Variants in FRY observed in about 807,000 individuals in gnomAD.
FRY encodes FRY microtubule binding protein.
FRY carries 128 observed loss-of-function variants against 348.4 expected under a neutral mutation model. That is an observed-to-expected ratio of 0.37 (90% confidence interval 0.32 to 0.43). FRY has a LOEUF of 0.43. Ranked by LOEUF, FRY falls within the 20% of genes least tolerant of loss-of-function variation. The probability of loss-of-function intolerance (pLI) is 1.00; values close to 1 mark genes in which losing one functional copy is unlikely to be tolerated. For synonymous variants in FRY, 1,370 were observed against 1,374.7 expected (o/e 1.00, Z 0.08); for missense variants, 2,736 against 3,695.2 (o/e 0.74, Z 6.73).
intron 2 of FRY, among the ~76,000 whole-genome samples, chr13:32,097,746 A>C (rs914185351): frequency 1.3e-5 from 2 of 151,962 alleles, no homozygotes; most frequent in African/African-American, 4.8e-5. Flanking sequence ...CTAAAATAAA[A>C]TTACTATCTT....
intron 1 of FRY, among the ~76,000 whole-genome samples, chr13:32,032,638 CT>C (rs1872300027): frequency 1.3e-5 from 2 of 152,216 alleles, no homozygotes. Context: ...AAAAGACAAC[CT>C]CTAAGCTGCC....
intron 29 of FRY, among the ~76,000 whole-genome samples, chr13:32,195,951 A>G (rs1229541141): frequency 2.6e-5 from 4 of 152,180 alleles, no homozygotes; most frequent in Non-Finnish European, 5.9e-5. Flanking sequence ...AGAATTTAAA[A>G]TTTCAGCTGT....
At chr13:32,104,617 G>C (rs461373) in intron 3 of FRY, among the ~76,000 whole-genome samples, 103,856 of 152,064 alleles carry the variant, frequency 0.68, 35,633 homozygotes, top group South Asian at 0.8. Flanking sequence ...GCCACAAAAT[G>C]TAGTCCAGTT....
chr13:32,246,286 A>G (rs887309072), intron 47 of FRY, among the ~76,000 whole-genome samples: 2 of 152,256 alleles, frequency 1.3e-5, no homozygotes, highest in African/African-American at 4.8e-5. Context: ...GCAAAAAATA[A>G]TAATAACAAC....
chr13:32,254,476 G>T, intron 51 of FRY, 82 bp downstream of exon 51: 1 of 1,254,600 alleles, frequency 8.0e-7, no homozygotes, highest in South Asian at 1.2e-5. Context: ...GCTAAATAAT[G>T]AGTTTTTGTA....
intron 49 of FRY, 84 bp downstream of exon 49, chr13:32,249,771 T>C (rs1886985174): frequency 1.2e-5 from 15 of 1,269,122 alleles, no homozygotes; most frequent in African/African-American, 3.0e-5. Flanking sequence ...GGATTCCCTC[T>C]CACCATCCCA....
At chr13:32,274,767 C>A in intron 55 of FRY, 75 bp from the exon 56 acceptor site, 2 of 1,053,372 alleles carry the variant, frequency 1.9e-6, no homozygotes, top group Non-Finnish European at 2.9e-6. Flanking sequence ...AAGAAGCTAC[C>A]CCTCCCCCAA....
At chr13:32,219,109 G>A (rs897828277) in intron 36 of FRY, among the ~76,000 whole-genome samples, 9 of 128,142 alleles carry the variant, frequency 7.0e-5, no homozygotes, top group African/African-American at 2.5e-4. Flanking sequence ...TTTTTTTTGA[G>A]ACGGAGTCTC....
intron 1 of FRY, among the ~76,000 whole-genome samples, chr13:32,053,201 C>T (rs1873438963): frequency 6.6e-6 from 1 of 152,102 alleles, no homozygotes; most frequent in African/African-American, 2.4e-5. Context: ...TGTATTAGAA[C>T]ACAAAGGTAG....
intron 35 of FRY, among the ~76,000 whole-genome samples, chr13:32,213,383 T>C (rs1278362060): frequency 6.6e-6 from 1 of 152,230 alleles, no homozygotes. Context: ...GCAGCTGTGT[T>C]ACCTTCAGGC....
chr13:32,241,604 G>A (rs944162672), intron 46 of FRY, among the ~76,000 whole-genome samples: 2 of 152,192 alleles, frequency 1.3e-5, no homozygotes, highest in Non-Finnish European at 2.9e-5. Context: ...TAATGTGAAT[G>A]TACTTGAGAA....
chr13:32,208,951 A>G lies in FRY; in HGVS notation c.4117A>G (p.Arg1373Gly). 1 of 1,614,184 alleles carries G rather than the reference A, an allele frequency of 6.2e-7. No individual in the cohort carries two copies. Among genetic ancestry groups the G allele is most frequent in the Non-Finnish European group, 8.5e-7 (1 of 1,180,026 alleles). Residue 1373 changes from arginine to glycine, a missense_variant, in exon 32 of 61, where the codon AGG becomes GGG. Physicochemically the swap from Arg to Gly is moderately radical, Grantham distance 125 (BLOSUM62 -2). This residue lies in a region of FRY where 794 missense variants were observed against 977.0 expected (regional missense o/e 0.81). Transcript: ENST00000542859. ...GCACAACATCGAGCTGGTGGACAGC[A>G]GGCTCCTCCTCCCGGGGTCGAGCCC... ...WLHNIELVDS[R>G]LLLPGSSPSS...
At chr13:32,243,295 A>C (rs1487574026) in intron 46 of FRY, among the ~76,000 whole-genome samples, 1 of 152,200 alleles carries the variant, frequency 6.6e-6, no homozygotes, top group Non-Finnish European at 1.5e-5. Flanking sequence ...CTGTTAACTT[A>C]TATATCCATT....
chr13:32,201,012 C>T (rs1387336698), intron 29 of FRY, among the ~76,000 whole-genome samples: 1 of 152,092 alleles, frequency 6.6e-6, no homozygotes, highest in Non-Finnish European at 1.5e-5. Flanking sequence ...ATGCCGTGGC[C>T]CCCCTCCCCA....
intron 1 of FRY, among the ~76,000 whole-genome samples, chr13:32,034,869 C>T (rs1872428039): frequency 6.6e-6 from 1 of 152,222 alleles, no homozygotes; most frequent in Non-Finnish European, 1.5e-5. Context: ...CATGCCTGTA[C>T]ACCCATCAGT....
chr13:32,096,802 CAAAAAAA>C (rs10680393), intron 2 of FRY, among the ~76,000 whole-genome samples: 1 of 77,598 alleles, frequency 1.3e-5, no homozygotes, highest in African/African-American at 5.5e-5. Context: ...GACTCTGTCT[CAAAAAAA>C]AAAAAAAAAA....
intron 22 of FRY, 133 bp from the exon 23 acceptor site, chr13:32,179,542 T>TG (rs59562533): frequency 2.4e-5 from 18 of 737,704 alleles, no homozygotes; most frequent in African/African-American, 6.9e-5. Context: ...TGTGTGTGTG[T>TG]TTCCTGAAAT....
At chr13:32,288,920 A>T (rs1314017032) in intron 58 of FRY, among the ~76,000 whole-genome samples, 2 of 152,190 alleles carry the variant, frequency 1.3e-5, no homozygotes, top group Non-Finnish European at 2.9e-5. Context: ...TTTCCCTCAT[A>T]CTATACATAA....
rs548692485 is a variant in FRY, at chr13:32,293,697, C to G, written c.8581-671C>G. Among the ~76,000 whole-genome samples, 302 of 152,214 alleles carry G rather than the reference C, an allele frequency of 2.0e-3. 1 individual carries two copies. The highest frequency in any genetic ancestry group is 3.3e-3 in the Non-Finnish European group (223 of 68,014). On this transcript the variant is annotated intron_variant, in intron 59 of 60. Coordinates refer to ENST00000542859, the MANE Select transcript of FRY (RefSeq NM_023037.3). Reference sequence around the variant, plus strand: ...CTGGATCCTTTGGTTCCAGTAACTTCGAGGGAAAATATCTTTTACTGCTGT... The same window carrying G: ...CTGGATCCTTTGGTTCCAGTAACTTGGAGGGAAAATATCTTTTACTGCTGT...
Sources: gnomAD v4.1 joint callset for allele counts (sites outside exome capture counted in the v4.1 genomes callset) on GRCh38, gnomAD v4.1.1 for gene constraint, gnomAD v4.1.1 regional missense constraint, MANE v1.5 for transcripts, NCBI Gene and HGNC (gene_info 2026-07-23, HGNC 2026-07-21) for gene names.